Variants in SNX24 observed in about 807,000 individuals in gnomAD.
The protein encoded by SNX24 is sorting nexin 24, also known as sorting nexin-24.
A neutral mutation model predicts 28.7 loss-of-function variants in SNX24; 22 were observed. The ratio of observed to expected loss-of-function variants is 0.77; its 90% CI spans 0.55 to 1.10. The LOEUF (loss-of-function observed/expected upper bound fraction) is 1.10, where lower values mean the gene tolerates loss of function less well. SNX24 is among the 50% of genes least tolerant of loss of function. The pLI is 0.00. For synonymous variants in SNX24, 69 were observed against 71.5 expected, an observed-to-expected ratio of 0.96 and a Z score of 0.18; for missense variants, 221 against 201.1, an observed-to-expected ratio of 1.10 and a Z score of -0.60.
intron 3 of SNX24, among the ~76,000 whole-genome samples, chr5:122,968,026 A>T (rs1039800547): frequency 5.9e-5 from 9 of 152,240 alleles, no homozygotes; most frequent in African/African-American, 1.4e-4. Flanking sequence ...GGATGTTTTT[A>T]AAAATGTCTA....
chr5:123,013,392 T>TGGTTTTTTTTATTTGG (rs1762626313), downstream of SNX24, among the ~76,000 whole-genome samples: 1 of 152,260 alleles, frequency 6.6e-6, no homozygotes, highest in Non-Finnish European at 1.5e-5. Context: ...GTAATTATTT[T>TGGTTTTTTTTATTTGG]CATTTTGGCT....
chr5:122,867,128 T>A (rs1196340713), intron 1 of SNX24, among the ~76,000 whole-genome samples: 1 of 152,182 alleles, frequency 6.6e-6, no homozygotes, highest in Non-Finnish European at 1.5e-5. Context: ...TGCAAAGTAT[T>A]GCAACTTAGC....
intron 1 of SNX24, among the ~76,000 whole-genome samples, chr5:122,900,235 A>G (rs1757376367): frequency 6.6e-6 from 1 of 151,668 alleles, no homozygotes; most frequent in African/African-American, 2.4e-5. Context: ...CCAGGCTGTG[A>G]TGTTTTTGAT....
At chr5:122,951,822 T>C (rs1759955489) in intron 3 of SNX24, among the ~76,000 whole-genome samples, 2 of 152,188 alleles carry the variant, frequency 1.3e-5, no homozygotes, top group Non-Finnish European at 2.9e-5. Context: ...GGAGGCAGCC[T>C]GTGCAGGCAG....
At chr5:122,982,776 A>T (rs1049187226) in intron 3 of SNX24, among the ~76,000 whole-genome samples, 4 of 152,210 alleles carry the variant, frequency 2.6e-5, no homozygotes, top group Non-Finnish European at 5.9e-5. Context: ...GCTTTCAGCG[A>T]AGTCCTTTAG....
intron 5 of SNX24, chr5:123,022,173 C>T (rs545911964): frequency 6.6e-6 from 1 of 152,150 alleles, no homozygotes; most frequent in Non-Finnish European, 1.5e-5. Flanking sequence ...CAAACTGGTA[C>T]TTGGCAGATC....
At chr5:122,922,049 A>G (rs1758455382) in intron 1 of SNX24, among the ~76,000 whole-genome samples, 1 of 152,188 alleles carries the variant, frequency 6.6e-6, no homozygotes. Context: ...TAAGAATGAC[A>G]GTGATTCATG....
intron 3 of SNX24, among the ~76,000 whole-genome samples, chr5:122,961,593 A>T (rs1273720127): frequency 1.3e-5 from 2 of 152,220 alleles, no homozygotes; most frequent in African/African-American, 4.8e-5. Flanking sequence ...GACTCAATGT[A>T]ACGGGGGCAG....
chr5:122,976,208 AGT>A (rs1254802092), intron 3 of SNX24, among the ~76,000 whole-genome samples: 7 of 151,020 alleles, frequency 4.6e-5, no homozygotes, highest in South Asian at 2.1e-4. Context: ...TTTTTAATAT[AGT>A]GTTTGTCTTC....
chr5:122,936,714 C>G lies in SNX24; in HGVS notation c.61-20C>G. On this transcript the variant is annotated intron_variant, in intron 1 of 6. Coordinates refer to ENST00000261369, the MANE Select transcript of SNX24 (RefSeq NM_014035.4). The stretch of plus-strand genomic sequence containing the variant: ...AGGGTTTTGAACTAATATAATTAAT[C>G]TTTTAAATTTTTTCCTCAGGTGTTT... 6 of 1,403,710 alleles carry G rather than the reference C, an allele frequency of 4.3e-6. No individual in the cohort carries two copies. Among genetic ancestry groups the G allele is most frequent in the Non-Finnish European group, 6.0e-6 (6 of 995,680 alleles). 87.0% of individuals were successfully genotyped at this position (1,403,710 alleles called of 1,614,324 possible). A position where few individuals can be genotyped will look rare whatever the true frequency, so the allele number is the denominator to read the frequency against.
chr5:122,851,442 C>G (rs922206913), intron 1 of SNX24, among the ~76,000 whole-genome samples: 1 of 152,188 alleles, frequency 6.6e-6, no homozygotes, highest in Non-Finnish European at 1.5e-5. Context: ...GCTGGGATTA[C>G]AGGCATGAGC....
At chr5:122,963,892 C>T (rs1012084864) in intron 3 of SNX24, among the ~76,000 whole-genome samples, 1 of 152,008 alleles carries the variant, frequency 6.6e-6, no homozygotes, top group Admixed American at 6.6e-5. Context: ...ATGCACATAT[C>T]CAACATCTTT....
intron 5 of SNX24, chr5:123,025,687 G>T: frequency 7.9e-7 from 1 of 1,269,960 alleles, no homozygotes; most frequent in Non-Finnish European, 1.1e-6. Context: ...CTATATAATG[G>T]ATCTCTAACA....
At chr5:122,926,300 G>A (rs1221686224) in intron 1 of SNX24, among the ~76,000 whole-genome samples, 1 of 152,158 alleles carries the variant, frequency 6.6e-6, no homozygotes, top group Non-Finnish European at 1.5e-5. Flanking sequence ...CAGGGTGAGT[G>A]AGAGGGAGTA....
At chr5:122,945,302 C>G (rs900311894) in intron 2 of SNX24, among the ~76,000 whole-genome samples, 1 of 152,154 alleles carries the variant, frequency 6.6e-6, no homozygotes, top group African/African-American at 2.4e-5. Context: ...CATTTTAAGA[C>G]CATGAATTTA....
intron 1 of SNX24, among the ~76,000 whole-genome samples, chr5:122,846,061 A>AT (rs908285067): frequency 1.1e-4 from 17 of 151,324 alleles, no homozygotes; most frequent in African/African-American, 4.1e-4. Context: ...TTCGCGGCAG[A>AT]TTCACGCTGG....
intron 1 of SNX24, among the ~76,000 whole-genome samples, chr5:122,904,346 C>T (rs1757559737): frequency 6.6e-6 from 1 of 152,074 alleles, no homozygotes; most frequent in Non-Finnish European, 1.5e-5. Flanking sequence ...CCACACCCTG[C>T]TAATTTTTGT....
chr5:122,970,340 G>T lies in SNX24; in HGVS notation c.249+24181G>T, dbSNP rs566184881. The stretch of plus-strand genomic sequence containing the variant: ...AAAGTCCTTTCCCGTTTAGAATGCG[G>T]CATACTCTTGCTTGTGGGGTATATA... On this transcript the variant is annotated intron_variant, in intron 3 of 6. Transcript: ENST00000261369. Among the ~76,000 whole-genome samples, 9 of 151,864 alleles carry T rather than the reference G, an allele frequency of 5.9e-5. No homozygotes were observed. In the East Asian group the frequency reaches 1.7e-3, roughly 29 times the overall value.
At chr5:122,877,260 G>A (rs563974376) in intron 1 of SNX24, among the ~76,000 whole-genome samples, 37 of 152,326 alleles carry the variant, frequency 2.4e-4, no homozygotes, top group African/African-American at 8.9e-4. Flanking sequence ...ATTAGGTGGG[G>A]ATAGGGCCAG....
Sources: gnomAD v4.1 joint callset for allele counts (sites outside exome capture counted in the v4.1 genomes callset) on GRCh38, gnomAD v4.1.1 for gene constraint, MANE v1.5 for transcripts, NCBI Gene and HGNC (gene_info 2026-07-23, HGNC 2026-07-21) for gene names.